Variants in SIPA1L1 observed in about 807,000 individuals in gnomAD.
SIPA1L1 encodes signal induced proliferation associated 1 like 1.
Under a neutral mutation model 162.7 loss-of-function variants are expected in SIPA1L1, and 26 were observed. The observed-to-expected ratio is 0.16, with a 90% confidence interval of 0.12 to 0.22. The LOEUF is 0.22. Among genes scored for constraint, SIPA1L1 ranks in the 10% least tolerant of loss-of-function variants. The pLI is 1.00. For missense variants in SIPA1L1, 1,874 were observed against 2,241.0 expected (o/e 0.84, Z 3.31); for synonymous variants, 829 against 837.4 (o/e 0.99, Z 0.17).
chr14:71,515,432 C>T (rs899037232), intron 3 of SIPA1L1, among the ~76,000 whole-genome samples: 1 of 152,112 alleles, frequency 6.6e-6, no homozygotes, highest in Non-Finnish European at 1.5e-5. Context: ...GTAAAGATGT[C>T]ACCTCTACTT....
At chr14:71,511,184 T>C (rs543317217) in intron 2 of SIPA1L1, among the ~76,000 whole-genome samples, 28 of 152,358 alleles carry the variant, frequency 1.8e-4, no homozygotes, top group Admixed American at 1.5e-3. Context: ...TAGTGTGACA[T>C]AAGAAGTATA....
chr14:71,417,498 A>AAAAAAAAAAAAAAAAC (rs1157625899), intron 2 of SIPA1L1, among the ~76,000 whole-genome samples: 4 of 146,492 alleles, frequency 2.7e-5, no homozygotes, highest in Admixed American at 6.9e-5. Context: ...AAAAAAAAAA[A>AAAAAAAAAAAAAAAAC]AAAAAGAAAA....
intron 13 of SIPA1L1, among the ~76,000 whole-genome samples, chr14:71,695,601 C>T (rs553401352): frequency 1.1e-4 from 16 of 152,320 alleles, no homozygotes; most frequent in African/African-American, 3.6e-4. Context: ...AACATTTTAA[C>T]GTTCACCGTA....
chr14:71,365,562 T>G (rs1238275347), intron 2 of SIPA1L1, among the ~76,000 whole-genome samples: 1 of 152,134 alleles, frequency 6.6e-6, no homozygotes. Context: ...TCTATCCCAG[T>G]GGAGCATACA....
At chr14:71,321,978 C>G (rs952340101) in intron 2 of SIPA1L1, among the ~76,000 whole-genome samples, 4 of 152,204 alleles carry the variant, frequency 2.6e-5, no homozygotes, top group African/African-American at 7.2e-5. Context: ...TTGATGGCTC[C>G]TAGACTACGA....
At chr14:71,534,092 TAAAAA>T (rs1387733042) in intron 4 of SIPA1L1, among the ~76,000 whole-genome samples, 1 of 151,670 alleles carries the variant, frequency 6.6e-6, no homozygotes, top group African/African-American at 2.4e-5. Flanking sequence ...AAAATAAAAA[TAAAAA>T]TAAGAAAAGA....
At position 71,339,896 on chromosome 14, in the gene SIPA1L1, T is replaced by G. The variant is rs140450803; in HGVS notation, c.-465+18715T>G. Among the ~76,000 whole-genome samples, 11 of 152,330 alleles carry G rather than the reference T, an allele frequency of 7.2e-5. No individual in the cohort carries two copies. In the East Asian group the frequency reaches 1.9e-3, roughly 27 times the overall value. The stretch of plus-strand genomic sequence containing the variant: ...CTCTGTGGGAGCCAGGATATTGAGT[T>G]CCTGTTACAGAATTTCTGCTTCTCT... On this transcript the variant is annotated intron_variant, in intron 2 of 23. Transcript: ENST00000381232.
intron 2 of SIPA1L1, among the ~76,000 whole-genome samples, chr14:71,477,989 T>G (rs953286550): frequency 9.2e-5 from 14 of 152,196 alleles, no homozygotes; most frequent in Admixed American, 3.3e-4. Context: ...GTATAAAAGT[T>G]TCAGATGCAT....
rs182490335 is a variant in SIPA1L1, at chr14:71,700,539, T to C, written c.3521+1412T>C. On this transcript the variant is annotated intron_variant, in intron 14 of 23. Coordinates refer to ENST00000381232, the MANE Select transcript of SIPA1L1 (RefSeq NM_001386936.1). ...CAAAAAGTGTAATTGTGAGTCCTTT[T>C]TTTAAATGACCACTTTAACCAATTA... 4.0e-3 allele frequency among the ~76,000 whole-genome samples: 602 copies of C among 152,356 alleles called. 6 individuals carry two copies. Among genetic ancestry groups the C allele is most frequent in the African/African-American group, 0.014 (565 of 41,584 alleles).
At chr14:71,513,541 G>A (rs574060847) in intron 3 of SIPA1L1, among the ~76,000 whole-genome samples, 1 of 152,298 alleles carries the variant, frequency 6.6e-6, no homozygotes, top group African/African-American at 2.4e-5. Context: ...AGGTTTGTGT[G>A]CAGTGGTGCA....
chr14:71,451,053 A>G (rs112318213), intron 2 of SIPA1L1, among the ~76,000 whole-genome samples: 1 of 152,186 alleles, frequency 6.6e-6, no homozygotes, highest in African/African-American at 2.4e-5. Flanking sequence ...TATATACACA[A>G]TGGAATACTG....
chr14:71,434,952 A>G (rs950941250), intron 2 of SIPA1L1, among the ~76,000 whole-genome samples: 4 of 152,146 alleles, frequency 2.6e-5, no homozygotes, highest in African/African-American at 9.7e-5. Flanking sequence ...ATTGTGTTTT[A>G]TTCCAGTTTT....
At chr14:71,412,173 T>C (rs2140317868) in intron 2 of SIPA1L1, among the ~76,000 whole-genome samples, 1 of 152,326 alleles carries the variant, frequency 6.6e-6, no homozygotes, top group Non-Finnish European at 1.5e-5. Flanking sequence ...ATCTTAGATA[T>C]CTGACTCTCA....
intron 4 of SIPA1L1, among the ~76,000 whole-genome samples, chr14:71,540,845 G>T (rs182455273): frequency 1.1e-4 from 16 of 152,250 alleles, no homozygotes; most frequent in Admixed American, 3.9e-4. Flanking sequence ...TATTCATGCT[G>T]GCTGGGCAGG....
chr14:71,324,574 A>C (rs1212534378), intron 2 of SIPA1L1, among the ~76,000 whole-genome samples: 1 of 152,258 alleles, frequency 6.6e-6, no homozygotes, highest in African/African-American at 2.4e-5. Flanking sequence ...TAATTAAATG[A>C]CAAAGTTACA....
chr14:71,679,140 T>G (rs935223204), intron 12 of SIPA1L1, among the ~76,000 whole-genome samples: 1 of 152,072 alleles, frequency 6.6e-6, no homozygotes, highest in Non-Finnish European at 1.5e-5. Flanking sequence ...ATTGTCAGAT[T>G]CACCAAAGTT....
intron 2 of SIPA1L1, among the ~76,000 whole-genome samples, chr14:71,394,518 C>T (rs887625471): frequency 3.3e-5 from 5 of 152,228 alleles, no homozygotes; most frequent in Non-Finnish European, 5.9e-5. Flanking sequence ...TCTGGTGTGA[C>T]GTCTTCCTCT....
intron 20 of SIPA1L1, 34 bp from the exon 21 acceptor site, chr14:71,733,632 C>T (rs769808606): frequency 1.2e-6 from 2 of 1,606,906 alleles, no homozygotes; most frequent in South Asian, 1.1e-5. Context: ...TCCACAGGCA[C>T]AAGAAGCATC....
Position 71,388,824 on chromosome 14 carries a change from A to G in SIPA1L1, c.-465+67643A>G, listed in dbSNP as rs750407127. Among the ~76,000 whole-genome samples the G allele has an allele frequency of 5.1e-4, 77 of 152,290 alleles. 2 individuals are homozygous for G. The highest frequency in any genetic ancestry group is 9.1e-4 in the Non-Finnish European group (62 of 68,030). ...TTAAATCAAAACCCTCCCTAGTGCT[A>G]CCTACATTTTAGCCAGGATTCAAAT... On this transcript the variant is annotated intron_variant, in intron 2 of 23. Transcript: ENST00000381232.
Sources: gnomAD v4.1 joint callset for allele counts (sites outside exome capture counted in the v4.1 genomes callset) on GRCh38, gnomAD v4.1.1 for gene constraint, MANE v1.5 for transcripts, NCBI Gene and HGNC (gene_info 2026-07-23, HGNC 2026-07-21) for gene names.